FBXO22: variants seen among roughly 807,000 people sequenced by gnomAD.
FBXO22 encodes F-box only protein 22.
A neutral mutation model predicts 37.2 loss-of-function variants in FBXO22; 13 were observed. The ratio of observed to expected loss-of-function variants is 0.35; its 90% CI spans 0.23 to 0.56. The LOEUF is 0.56. Ranked by LOEUF, FBXO22 falls within the 20% of genes least tolerant of loss-of-function variation. The probability of loss-of-function intolerance (pLI) is 0.87; values close to 1 mark genes in which losing one functional copy is unlikely to be tolerated. For synonymous variants in FBXO22, 189 were observed against 189.1 expected, an observed-to-expected ratio of 1.00 and a Z score of 0.00; for missense variants, 446 against 509.9, an observed-to-expected ratio of 0.87 and a Z score of 1.21.
intron 6 of FBXO22, chr15:75,930,612 G>A: frequency 1.0e-6 from 1 of 985,406 alleles, no homozygotes; most frequent in Non-Finnish European, 1.2e-6. Context: ...GATCTTTTTT[G>A]TTACTAAGGC....
chr15:75,921,969 C>A (rs183617071), intron 5 of FBXO22, among the ~76,000 whole-genome samples: 1 of 151,970 alleles, frequency 6.6e-6, no homozygotes, highest in African/African-American at 2.4e-5. Flanking sequence ...GAAGGACCTG[C>A]CTGAGGCTGT....
chr15:75,904,270 T>C, intron 1 of FBXO22, 167 bp downstream of exon 1: 1 of 1,155,258 alleles, frequency 8.7e-7, no homozygotes, highest in Non-Finnish European at 1.2e-6. Context: ...CCAGCCGTGG[T>C]GCCCCGGGGG....
Position 75,917,210 on chromosome 15 carries a change from CTG to C in FBXO22, c.464-18_464-17del. The stretch of plus-strand genomic sequence containing the variant: ...GTTTTTACTGACTCTATTGGTGAAA[CTG>C]TTTAACTTTTTCTCTAGTGACTCCA... On this transcript the variant is annotated intron_variant, in intron 4 of 6. Coordinates refer to ENST00000308275, the MANE Select transcript of FBXO22 (RefSeq NM_147188.3). The C allele has an allele frequency of 6.3e-7, 1 of 1,591,668 alleles. No homozygotes were observed.
chr15:75,930,963 C>A, intron 6 of FBXO22: 2 of 635,402 alleles, frequency 3.1e-6, no homozygotes, highest in Non-Finnish European at 3.9e-6. Flanking sequence ...AAGTTGAGGT[C>A]CCTGGACTGC....
intron 4 of FBXO22, among the ~76,000 whole-genome samples, chr15:75,914,653 A>T (rs1379720864): frequency 1.4e-4 from 21 of 152,068 alleles, no homozygotes; most frequent in Non-Finnish European, 3.1e-4. Flanking sequence ...TCCATGCTTG[A>T]TTGCTGCTGG....
Position 75,913,505 on chromosome 15 carries a change from G to A in FBXO22, c.367+215G>A, listed in dbSNP as rs539365402. Among the ~76,000 whole-genome samples, 5 of 152,224 alleles carry A rather than the reference G, an allele frequency of 3.3e-5. No homozygotes were observed. The South Asian group carries it at 6.2e-4, about 19-fold the overall frequency. On this transcript the variant is annotated intron_variant, in intron 3 of 6. Coordinates refer to ENST00000308275, the MANE Select transcript of FBXO22 (RefSeq NM_147188.3). ...CTTGTAGTGCAATTGAAACAAATTC[G>A]TTAGAAAGGTGTTGTTCTCAATTTG...
chr15:75,926,642 TG>T, intron 5 of FBXO22, among the ~76,000 whole-genome samples: 1 of 152,146 alleles, frequency 6.6e-6, no homozygotes, highest in Non-Finnish European at 1.5e-5. Flanking sequence ...AGCCAGAGGT[TG>T]AGGGCGTATC....
rs1234020563 is a variant in FBXO22 at position 75,903,911 on chromosome 15, TA to T, written c.-51del. 7 of 1,447,984 alleles carry T rather than the reference TA, an allele frequency of 4.8e-6. No individual in the cohort carries two copies. In the African/African-American group the frequency reaches 9.9e-5, roughly 21 times the overall value. 89.7% of individuals were successfully genotyped at this position (1,447,984 alleles called of 1,614,324 possible). On this transcript the variant is annotated 5_prime_UTR_variant, in exon 1 of 7. An upstream open reading frame in the 5' UTR loses its in-frame stop. Coordinates refer to ENST00000308275, the MANE Select transcript of FBXO22 (RefSeq NM_147188.3). ...CCGGCCGGGCAACCCTATGCTGGCG[TA>T]ATCGGGTTCCTCCGAGCCGCCGTAG... is the stretch of plus-strand genomic sequence containing the variant.
chr15:75,911,146 A>G (rs1200774294), intron 2 of FBXO22, among the ~76,000 whole-genome samples: 1 of 152,198 alleles, frequency 6.6e-6, no homozygotes, highest in Non-Finnish European at 1.5e-5. Flanking sequence ...TACCAGTACC[A>G]TGCTGTTTTG....
chr15:75,939,651 A>G lies in FBXO22; in HGVS notation c.*6549A>G, dbSNP rs926805152. ...ATTCAACAATTGTCAATACTAGGAA[A>G]CTGAATTTAGCAGCATATTAAAAGG... On this transcript the variant is annotated 3_prime_UTR_variant, in exon 7 of 7. Coordinates refer to ENST00000308275, the MANE Select transcript of FBXO22 (RefSeq NM_147188.3). 6.6e-6 allele frequency: 1 copy of G among 152,190 alleles called. No homozygotes were observed. Among genetic ancestry groups the G allele is most frequent in the African/African-American group, 2.4e-5 (1 of 41,456 alleles). 9.4% of individuals were successfully genotyped at this position (152,190 alleles called of 1,614,324 possible). A position where few individuals can be genotyped will look rare whatever the true frequency, so the allele number is the denominator to read the frequency against.
rs1219528276 is a variant in FBXO22 at position 75,934,888 on chromosome 15, A to G, written c.*1786A>G. The G allele has an allele frequency of 6.6e-6, 1 of 152,218 alleles. No homozygotes were observed. Among genetic ancestry groups the G allele is most frequent in the African/African-American group, 2.4e-5 (1 of 41,462 alleles). 9.4% of individuals were successfully genotyped at this position (152,218 alleles called of 1,614,324 possible). A position where few individuals can be genotyped will look rare whatever the true frequency, so the allele number is the denominator to read the frequency against. The stretch of plus-strand genomic sequence containing the variant: ...CAAAATGAGCCTTAGAATTGAATGG[A>G]TTATTTTAAACAAATTAATACTCAT... On this transcript the variant is annotated 3_prime_UTR_variant, in exon 7 of 7. Coordinates refer to ENST00000308275, the MANE Select transcript of FBXO22 (RefSeq NM_147188.3).
Position 75,940,749 on chromosome 15 carries a change from A to G in FBXO22, c.*7647A>G, listed in dbSNP as rs1359466272. 1.4e-5 allele frequency: 2 copies of G among 146,586 alleles called. No homozygotes were observed. The highest frequency in any genetic ancestry group is 5.0e-5 in the African/African-American group (2 of 39,648). 9.1% of individuals were successfully genotyped at this position (146,586 alleles called of 1,614,324 possible). A position where few individuals can be genotyped will look rare whatever the true frequency, so the allele number is the denominator to read the frequency against. On this transcript the variant is annotated 3_prime_UTR_variant, in exon 7 of 7. Coordinates refer to ENST00000308275, the MANE Select transcript of FBXO22 (RefSeq NM_147188.3). ...GGCTATTCCAAGGATAGTTTTTTCAACAAATAATGATGGGAAAGCTGGATA... is the reference window on the plus strand; with the variant it reads ...GGCTATTCCAAGGATAGTTTTTTCAGCAAATAATGATGGGAAAGCTGGATA...
At chr15:75,917,811 T>G in intron 5 of FBXO22, among the ~76,000 whole-genome samples, 1 of 152,180 alleles carries the variant, frequency 6.6e-6, no homozygotes, top group East Asian at 1.9e-4. Context: ...GGTTAGTTCT[T>G]TGTGAACTAA....
chr15:75,932,118 G>A (rs2030046259), intron 6 of FBXO22, among the ~76,000 whole-genome samples: 1 of 152,212 alleles, frequency 6.6e-6, no homozygotes, highest in South Asian at 2.1e-4. Flanking sequence ...AGAGACTCAG[G>A]CAGGAGGATT....
In FBXO22 at chr15:75,904,542, G is replaced by C; in HGVS notation, c.192G>C (p.Arg64=). The C allele has an allele frequency of 6.2e-7, 1 of 1,614,010 alleles. No homozygotes were observed. Among genetic ancestry groups the C allele is most frequent in the Non-Finnish European group, 8.5e-7 (1 of 1,179,912 alleles). The change falls in exon 2 of 7, where the codon CGG becomes CGC. Residue 64 remains arginine (R), a synonymous_variant. Coordinates refer to ENST00000308275, the MANE Select transcript of FBXO22 (RefSeq NM_147188.3). ...TGCGCAGAGTATTGCGGACCCATCG[G>C]AGCGTAACCTGGATCTCCGCAGGCC... ...ECVRRVLRTH[R]SVTWISAGLA... is the part of the protein sequence containing the mutation.
chr15:75,903,996 C>A lies in FBXO22; in HGVS notation c.33C>A (p.Arg11=), dbSNP rs1013530191. MEPVGCCGEC[R]GSSVDPRSTF... is the part of the protein sequence containing the mutation. ...CGGTAGGCTGCTGCGGCGAGTGCCG[C>A]GGCTCCTCCGTAGACCCGCGGAGCA... The change falls in exon 1 of 7, where the codon CGC becomes CGA. Residue 11 remains arginine, a synonymous_variant. Coordinates refer to ENST00000308275, the MANE Select transcript of FBXO22 (RefSeq NM_147188.3). 3.8e-6 allele frequency: 6 copies of A among 1,578,208 alleles called. No individual in the cohort carries two copies. In the African/African-American group the frequency reaches 8.1e-5, roughly 21 times the overall value.
chr15:75,913,342 C>A, intron 3 of FBXO22, 52 bp downstream of exon 3: 1 of 1,261,342 alleles, frequency 7.9e-7, no homozygotes, highest in Non-Finnish European at 1.1e-6. Context: ...ATGTGCCTTC[C>A]GTTCGGAGTT....
chr15:75,914,222 A>C lies in FBXO22; in HGVS notation c.463+17A>C. On this transcript the variant is annotated intron_variant, in intron 4 of 6. Transcript: ENST00000308275. ...GAATTGTAGGTGAGATAAATTAGCA[A>C]CTTGATGATTTCTTCCTTGCATTAA... 6.4e-7 allele frequency: 1 copy of C among 1,573,110 alleles called. No homozygotes were observed. The highest frequency in any genetic ancestry group is 8.7e-7 in the Non-Finnish European group (1 of 1,145,054).
At chr15:75,904,184 G>T in intron 1 of FBXO22, 81 bp downstream of exon 1, 1 of 1,440,988 alleles carries the variant, frequency 6.9e-7, no homozygotes, top group South Asian at 1.4e-5. Flanking sequence ...TGGGGGGAGA[G>T]ACCCTTGGGA....
Sources: gnomAD v4.1 joint callset for allele counts (sites outside exome capture counted in the v4.1 genomes callset) on GRCh38, gnomAD v4.1.1 for gene constraint, MANE v1.5 for transcripts, NCBI Gene and HGNC (gene_info 2026-07-23, HGNC 2026-07-21) for gene names.